Variants in EIF5B observed in about 807,000 individuals in gnomAD.
EIF5B encodes the protein eukaryotic translation initiation factor 5B.
EIF5B carries 47 observed loss-of-function variants against 147.5 expected under a neutral mutation model. The ratio of observed to expected loss-of-function variants is 0.32; its 90% CI spans 0.25 to 0.41. The LOEUF (loss-of-function observed/expected upper bound fraction) is 0.41, where lower values mean the gene tolerates loss of function less well. Ranked by LOEUF, EIF5B falls within the 10% of genes least tolerant of loss-of-function variation. The pLI is 1.00. For synonymous variants in EIF5B, 455 were observed against 456.2 expected, an observed-to-expected ratio of 1.00 and a Z score of 0.03; for missense variants, 1,064 against 1,413.2, an observed-to-expected ratio of 0.75 and a Z score of 3.96.
At chr2:99,343,939 G>A (rs1435796283) in intron 1 of EIF5B, among the ~76,000 whole-genome samples, 1 of 149,614 alleles carries the variant, frequency 6.7e-6, no homozygotes, top group African/African-American at 2.5e-5. Context: ...TTTTTTTTGA[G>A]ACGGAGTCTC....
At chr2:99,364,492 GA>G (rs1163985522) in intron 6 of EIF5B, 71 bp downstream of exon 6, 5 of 1,389,286 alleles carry the variant, frequency 3.6e-6, no homozygotes, top group Non-Finnish European at 4.8e-6. Flanking sequence ...TTAATGTTCA[GA>G]AGGAGAATGG....
In EIF5B at chr2:99,376,342, C is replaced by T. The variant is rs189381492; in HGVS notation, c.1553-5C>T. 421 of 1,366,194 alleles carry T rather than the reference C, an allele frequency of 3.1e-4. 2 individuals carry two copies. In the African/African-American group the frequency reaches 5.0e-3, roughly 16 times the overall value. 84.6% of individuals were successfully genotyped at this position (1,366,194 alleles called of 1,614,324 possible). A position where few individuals can be genotyped will look rare whatever the true frequency, so the allele number is the denominator to read the frequency against. ...ATTTATTTAAAAATATATTTGCTTT[C>T]GTAGTAGAAGGAAACAAAGTTCATA... On this transcript the variant is annotated splice_region_variant and splice_polypyrimidine_tract_variant and intron_variant, in intron 9 of 23. Coordinates refer to ENST00000289371, the MANE Select transcript of EIF5B (RefSeq NM_015904.4).
intron 3 of EIF5B, among the ~76,000 whole-genome samples, chr2:99,360,890 T>C (rs1287822851): frequency 6.6e-6 from 1 of 152,218 alleles, no homozygotes; most frequent in Admixed American, 6.5e-5. Context: ...CCTTAGGCTT[T>C]GTAAAGTTAG....
At chr2:99,394,671 A>G (rs1675007493) in intron 20 of EIF5B, 48 bp from the exon 21 acceptor site, 1 of 1,610,036 alleles carries the variant, frequency 6.2e-7, no homozygotes, top group African/African-American at 1.3e-5. Flanking sequence ...CCTCTGTGAC[A>G]TACTCTGTTT....
At chr2:99,356,327 C>T (rs1372543405) in intron 1 of EIF5B, among the ~76,000 whole-genome samples, 1 of 152,170 alleles carries the variant, frequency 6.6e-6, no homozygotes, top group East Asian at 1.9e-4. Flanking sequence ...AATGAAATCA[C>T]TGTACACAGC....
chr2:99,379,493 C>A, intron 12 of EIF5B, 65 bp downstream of exon 12: 1 of 1,271,620 alleles, frequency 7.9e-7, no homozygotes, highest in Non-Finnish European at 1.1e-6. Context: ...CTATTTCAAA[C>A]ATAGAAAAAG....
chr2:99,366,443 GGTTT>G (rs1411900623), intron 6 of EIF5B, among the ~76,000 whole-genome samples: 1 of 151,978 alleles, frequency 6.6e-6, no homozygotes, highest in Non-Finnish European at 1.5e-5. Flanking sequence ...CTCTTTCTTT[GGTTT>G]GTTTAATGTA....
In EIF5B at chr2:99,371,488, C is replaced by CA. The variant is rs201222383; in HGVS notation, c.1478-151dup. The stretch of plus-strand genomic sequence containing the variant: ...GGGCGACAGAGCAAAGACTCCGTCT[C>CA]AAAAAAAAAAAAAAAAAGATAGTTC... On this transcript the variant is annotated intron_variant, in intron 8 of 23. Coordinates refer to ENST00000289371, the MANE Select transcript of EIF5B (RefSeq NM_015904.4). Among the ~76,000 whole-genome samples, 265 of 111,980 alleles carry CA rather than the reference C, an allele frequency of 2.4e-3. 1 individual carries two copies. Among genetic ancestry groups the CA allele is most frequent in the East Asian group, 3.7e-3 (13 of 3,548 alleles). The allele number at this position is 111,980 out of a possible 152,430, so 73.5% of individuals were successfully genotyped here. A position where few individuals can be genotyped will look rare whatever the true frequency, so the allele number is the denominator to read the frequency against.
intron 1 of EIF5B, among the ~76,000 whole-genome samples, chr2:99,351,789 C>T (rs1436445720): frequency 1.3e-5 from 2 of 152,058 alleles, no homozygotes; most frequent in African/African-American, 4.8e-5. Context: ...CCTTTGTTTC[C>T]CAGGTTCAAG....
intron 14 of EIF5B, among the ~76,000 whole-genome samples, chr2:99,385,748 C>T (rs1205367850): frequency 2.6e-5 from 4 of 152,160 alleles, no homozygotes; most frequent in African/African-American, 7.2e-5. Context: ...CTCTGAGTTA[C>T]GCATGTATAA....
intron 8 of EIF5B, 65 bp downstream of exon 8, chr2:99,369,546 G>GACAAC (rs1674399567): frequency 7.5e-6 from 10 of 1,329,414 alleles, no homozygotes; most frequent in Non-Finnish European, 1.0e-5. Context: ...TGTGTCATAA[G>GACAAC]TTGTCTTAGT....
At chr2:99,341,564 A>G (rs2094259517) in intron 1 of EIF5B, among the ~76,000 whole-genome samples, 1 of 152,170 alleles carries the variant, frequency 6.6e-6, no homozygotes, top group Non-Finnish European at 1.5e-5. Context: ...TTGTTTTACC[A>G]AGGAACTGAG....
rs1022718687 is a variant in EIF5B at position 99,371,361 on chromosome 2, A to G, written c.1478-295A>G. ...AAATTAGCTGGCCACGGTGGCGGGC[A>G]TCTGTAGTCCCAGCTACTTGGGAGG... is the stretch of plus-strand genomic sequence containing the variant. On this transcript the variant is annotated intron_variant, in intron 8 of 23. Transcript: ENST00000289371. Among the ~76,000 whole-genome samples, 47 of 152,084 alleles carry G rather than the reference A, an allele frequency of 3.1e-4. 1 individual carries two copies. The highest frequency in any genetic ancestry group is 8.7e-4 in the African/African-American group (36 of 41,492).
chr2:99,349,694 T>C (rs1020956972), intron 1 of EIF5B, among the ~76,000 whole-genome samples: 1 of 152,196 alleles, frequency 6.6e-6, no homozygotes, highest in Non-Finnish European at 1.5e-5. Context: ...ATAATAATTG[T>C]ACATATTTAT....
chr2:99,398,472 C>G (rs1277952337), intron 22 of EIF5B: 2 of 255,184 alleles, frequency 7.8e-6, no homozygotes, highest in Non-Finnish European at 1.5e-5. Context: ...AATGGTAGAG[C>G]AAAAATAGGA....
chr2:99,348,486 T>G (rs746936259), intron 1 of EIF5B, among the ~76,000 whole-genome samples: 3 of 152,194 alleles, frequency 2.0e-5, no homozygotes, highest in Non-Finnish European at 2.9e-5. Context: ...TGATCAAAGA[T>G]GTTCTGGGTA....
chr2:99,380,699 C>A (rs1188847937), intron 12 of EIF5B, among the ~76,000 whole-genome samples: 1 of 152,170 alleles, frequency 6.6e-6, no homozygotes, highest in Non-Finnish European at 1.5e-5. Flanking sequence ...GCTAATGTCC[C>A]CTTTTATTCC....
chr2:99,339,911 T>TTTG (rs370542589), intron 1 of EIF5B, among the ~76,000 whole-genome samples: 2,917 of 152,140 alleles, frequency 0.019, 88 homozygotes, highest in African/African-American at 0.065. Flanking sequence ...TAATCTGTGT[T>TTTG]TTGTTGTTGT....
chr2:99,387,427 T>C (rs6732750), intron 14 of EIF5B, among the ~76,000 whole-genome samples: 66,236 of 151,766 alleles, frequency 0.44, 14,732 homozygotes, highest in Admixed American at 0.57. Flanking sequence ...ATTATTTTTT[T>C]CCCCATGGAA....
Sources: allele counts gnomAD v4.1 joint callset (sites outside exome capture counted in the v4.1 genomes callset), GRCh38; gene constraint gnomAD v4.1.1; transcripts MANE v1.5; gene names NCBI Gene and HGNC (gene_info 2026-07-23, HGNC 2026-07-21).